The following NKAIN2 variants were observed in gnomAD, a reference collection of about 807,000 sequenced individuals.
NKAIN2 encodes sodium/potassium transporting ATPase interacting 2.
A neutral mutation model predicts 32.6 loss-of-function variants in NKAIN2; 14 were observed. The observed-to-expected ratio is 0.43, with a 90% CI of 0.28 to 0.67. NKAIN2 has a LOEUF of 0.67. NKAIN2 is among the 30% of genes least tolerant of loss of function. The pLI, the probability that NKAIN2 is intolerant of heterozygous loss-of-function variation, is 0.17. For synonymous variants in NKAIN2, 80 were observed against 87.2 expected (o/e 0.92, Z 0.46); for missense variants, 198 against 258.3 (o/e 0.77, Z 1.60).
At chr6:124,658,435 T>C (rs1053236153) in intron 4 of NKAIN2, 49 bp downstream of exon 4, 118 of 1,613,672 alleles carry the variant, frequency 7.3e-5, no homozygotes, top group Non-Finnish European at 9.4e-5. Flanking sequence ...GGGGTTGTTT[T>C]ATTTCTGTGC....
chr6:123,836,573 A>G (rs1464372384), intron 1 of NKAIN2, among the ~76,000 whole-genome samples: 1 of 152,092 alleles, frequency 6.6e-6, no homozygotes, highest in Non-Finnish European at 1.5e-5. Context: ...AGGAACCGTC[A>G]CAATTTGGAA....
At chr6:124,093,246 ATGTGACTCCTC>A (rs1170451056) in intron 1 of NKAIN2, among the ~76,000 whole-genome samples, 2 of 152,120 alleles carry the variant, frequency 1.3e-5, no homozygotes, top group Non-Finnish European at 2.9e-5. Context: ...GTCAAGAGAA[ATGTGACTCCTC>A]TGCAGTTACG....
intron 5 of NKAIN2, among the ~76,000 whole-genome samples, chr6:124,808,920 T>C (rs568848836): frequency 1.7e-4 from 26 of 152,278 alleles, no homozygotes; most frequent in African/African-American, 5.1e-4. Flanking sequence ...GAATCTACCT[T>C]ACAAGGGACG....
chr6:124,600,613 A>T (rs1782268571), intron 3 of NKAIN2, among the ~76,000 whole-genome samples: 1 of 152,080 alleles, frequency 6.6e-6, no homozygotes, highest in African/African-American at 2.4e-5. Flanking sequence ...CAGCAAAGAG[A>T]ATCCAAAGGG....
intron 1 of NKAIN2, among the ~76,000 whole-genome samples, chr6:123,868,316 T>C (rs1772687552): frequency 6.6e-6 from 1 of 152,140 alleles, no homozygotes; most frequent in Non-Finnish European, 1.5e-5. Context: ...TCAAAAGAAT[T>C]TGAAGTAAAA....
chr6:124,710,028 G>C (rs1412604367), intron 4 of NKAIN2, among the ~76,000 whole-genome samples: 1 of 151,852 alleles, frequency 6.6e-6, no homozygotes, highest in African/African-American at 2.4e-5. Context: ...CTGGTATGTT[G>C]TGTCTTTGTT....
chr6:124,650,000 C>T (rs1450554176), intron 3 of NKAIN2, among the ~76,000 whole-genome samples: 1 of 152,078 alleles, frequency 6.6e-6, no homozygotes, highest in East Asian at 1.9e-4. Context: ...AGAGAAACTT[C>T]CTCCACTGGA....
At chr6:123,991,064 A>G (rs905954581) in intron 1 of NKAIN2, among the ~76,000 whole-genome samples, 3 of 152,220 alleles carry the variant, frequency 2.0e-5, no homozygotes, top group South Asian at 2.1e-4. Context: ...GTGTACATAC[A>G]TGTTATATGT....
chr6:124,243,284 C>T (rs1466495373), intron 1 of NKAIN2, among the ~76,000 whole-genome samples: 2 of 151,892 alleles, frequency 1.3e-5, no homozygotes, highest in Non-Finnish European at 2.9e-5. Flanking sequence ...CACTTGAGGC[C>T]AGGAGTTGGA....
At chr6:123,989,498 C>T (rs576107002) in intron 1 of NKAIN2, among the ~76,000 whole-genome samples, 171 of 152,206 alleles carry the variant, frequency 1.1e-3, no homozygotes, top group African/African-American at 2.4e-3. Flanking sequence ...TGGGTCTTTT[C>T]TCCTTTTAAC....
intron 1 of NKAIN2, among the ~76,000 whole-genome samples, chr6:124,061,417 A>C (rs1226396552): frequency 6.6e-6 from 1 of 152,070 alleles, no homozygotes; most frequent in Non-Finnish European, 1.5e-5. Context: ...AAAGTCTTCA[A>C]TTTTTCTCTT....
intron 4 of NKAIN2, among the ~76,000 whole-genome samples, chr6:124,764,549 A>T (rs111886219): frequency 0.014 from 2,175 of 152,258 alleles, 51 homozygotes; most frequent in African/African-American, 0.05. Flanking sequence ...AAAAATGGTT[A>T]AGAATCCACA....
chr6:124,707,028 C>A (rs1223445630), intron 4 of NKAIN2, among the ~76,000 whole-genome samples: 3 of 141,054 alleles, frequency 2.1e-5, no homozygotes, highest in Non-Finnish European at 3.0e-5. Flanking sequence ...GTGTGATACT[C>A]CCCTTCCTGT....
At position 124,348,744 on chromosome 6, in the gene NKAIN2, C is replaced by T. The variant is rs561250111; in HGVS notation, c.193-6523C>T. On this transcript the variant is annotated intron_variant, in intron 2 of 6. Coordinates refer to ENST00000368417, the MANE Select transcript of NKAIN2 (RefSeq NM_001040214.3). The stretch of plus-strand genomic sequence containing the variant: ...TCACTAGGGAGTGCCAGACAGTGGG[C>T]ACAGGTCAGTGGGTGCAGTGCACCT... 2.3e-3 allele frequency among the ~76,000 whole-genome samples: 344 copies of T among 152,298 alleles called. 1 individual carries two copies. Among genetic ancestry groups the T allele is most frequent in the South Asian group, 4.1e-3 (20 of 4,830 alleles).
intron 4 of NKAIN2, among the ~76,000 whole-genome samples, chr6:124,677,837 A>G (rs1773434532): frequency 1.3e-5 from 2 of 152,100 alleles, no homozygotes; most frequent in South Asian, 4.1e-4. Context: ...TTGTGTTGTT[A>G]TCTAGCATCC....
intron 3 of NKAIN2, among the ~76,000 whole-genome samples, chr6:124,359,034 T>C (rs1376831130): frequency 1.3e-5 from 2 of 152,060 alleles, no homozygotes; most frequent in Non-Finnish European, 2.9e-5. Context: ...TAGGGAATCC[T>C]TTCCCCATTT....
At chr6:124,807,261 T>C (rs1204618181) in intron 5 of NKAIN2, among the ~76,000 whole-genome samples, 1 of 152,072 alleles carries the variant, frequency 6.6e-6, no homozygotes, top group East Asian at 1.9e-4. Flanking sequence ...TCAGCACATG[T>C]AAAAGAACAG....
At chr6:124,776,876 AAT>A (rs1779004629) in intron 4 of NKAIN2, among the ~76,000 whole-genome samples, 1 of 152,148 alleles carries the variant, frequency 6.6e-6, no homozygotes, top group South Asian at 2.1e-4. Flanking sequence ...CATTTAGCAG[AAT>A]TAGAAGGTCT....
At chr6:124,144,027 T>A (rs1369896877) in intron 1 of NKAIN2, among the ~76,000 whole-genome samples, 3 of 152,194 alleles carry the variant, frequency 2.0e-5, no homozygotes, top group African/African-American at 7.2e-5. Context: ...AAAATTTACA[T>A]ATCATTATTA....
Sources: allele counts gnomAD v4.1 joint callset (sites outside exome capture counted in the v4.1 genomes callset), GRCh38; gene constraint gnomAD v4.1.1; transcripts MANE v1.5; gene names NCBI Gene and HGNC (gene_info 2026-07-23, HGNC 2026-07-21).